The following CFAP58 variants were observed in gnomAD, a reference collection of about 807,000 sequenced individuals.
CFAP58 encodes the protein cilia- and flagella-associated protein 58.
A neutral mutation model predicts 119.5 loss-of-function variants in CFAP58; 88 were observed. That is an observed-to-expected ratio of 0.74 (90% confidence interval 0.62 to 0.88). The LOEUF (loss-of-function observed/expected upper bound fraction) is 0.88, where lower values mean the gene tolerates loss of function less well. Among genes scored for constraint, CFAP58 ranks in the 40% least tolerant of loss-of-function variants. The pLI, the probability that CFAP58 is intolerant of heterozygous loss-of-function variation, is 0.00. For missense variants in CFAP58, 990 were observed against 1,021.2 expected (o/e 0.97, Z 0.42); for synonymous variants, 365 against 366.3 (o/e 1.00, Z 0.04).
intron 15 of CFAP58, among the ~76,000 whole-genome samples, chr10:104,424,027 A>T (rs988676544): frequency 4.6e-5 from 7 of 152,166 alleles, no homozygotes; most frequent in Non-Finnish European, 8.8e-5. Flanking sequence ...ATTGGAAGAA[A>T]TCTCTGGTGG....
In CFAP58 at chr10:104,450,169, A is replaced by G. The variant is rs199519968; in HGVS notation, c.2475A>G (p.Lys825=). ...LTNELQNLKK[K]YLAQKRKEQL... ...ATGAGCTCCAGAATTTAAAGAAGAA[A>G]TACCTCGCTCAGAAACGTAAAGAAC... is the stretch of plus-strand genomic sequence containing the variant. Residue 825 remains lysine (K), a synonymous_variant, in exon 17 of 18, where the codon AAA becomes AAG. Coordinates refer to ENST00000369704, the MANE Select transcript of CFAP58 (RefSeq NM_001008723.2). 30 of 1,613,478 alleles carry G rather than the reference A, an allele frequency of 1.9e-5. No homozygotes were observed. The South Asian group carries it at 3.3e-4, about 18-fold the overall frequency.
chr10:104,366,193 C>T (rs571774719), intron 5 of CFAP58, among the ~76,000 whole-genome samples, 185 bp downstream of exon 5: 1 of 152,114 alleles, frequency 6.6e-6, no homozygotes, highest in African/African-American at 2.4e-5. Flanking sequence ...GTTATGCCCC[C>T]CCTTTTAAAT....
chr10:104,345,700 G>A, the CFAP58 span, among the ~76,000 whole-genome samples: 1 of 152,000 alleles, frequency 6.6e-6, no homozygotes, highest in Admixed American at 6.5e-5. Context: ...CAGAGGAGAG[G>A]TAATTAACTG....
intron 13 of CFAP58, among the ~76,000 whole-genome samples, chr10:104,402,848 CAGG>C (rs1356101449): frequency 6.6e-6 from 1 of 152,082 alleles, no homozygotes; most frequent in Admixed American, 6.5e-5. Context: ...GGATTGGGTC[CAGG>C]AGAAGAGGTA....
intron 15 of CFAP58, among the ~76,000 whole-genome samples, chr10:104,411,319 C>T (rs1439359283): frequency 1.3e-5 from 2 of 152,084 alleles, no homozygotes; most frequent in African/African-American, 2.4e-5. Context: ...GACTCTTTTT[C>T]ACATATGCCT....
Position 104,371,060 on chromosome 10 carries a change from C to G in CFAP58, c.1090+6C>G, listed in dbSNP as rs2014817013. Reference sequence around the variant, plus strand: ...GATTGTGGGATTAGAGAGAGGTAAACCATTTTGCGCTTTTATTCATTTAGA... The same window carrying G: ...GATTGTGGGATTAGAGAGAGGTAAAGCATTTTGCGCTTTTATTCATTTAGA... On this transcript the variant is annotated splice_donor_region_variant and intron_variant, in intron 7 of 17. Coordinates refer to ENST00000369704, the MANE Select transcript of CFAP58 (RefSeq NM_001008723.2). 3 of 1,594,884 alleles carry G rather than the reference C, an allele frequency of 1.9e-6. No individual in the cohort carries two copies. The highest frequency in any genetic ancestry group is 4.5e-5 in the East Asian group (2 of 44,414).
chr10:104,425,977 A>G (rs1361102812), intron 15 of CFAP58, among the ~76,000 whole-genome samples: 1 of 152,192 alleles, frequency 6.6e-6, no homozygotes, highest in Non-Finnish European at 1.5e-5. Flanking sequence ...TCATGCCTAT[A>G]ATCCCAGCAC....
chr10:104,379,220 A>G (rs1488276776), intron 8 of CFAP58, among the ~76,000 whole-genome samples: 1 of 151,950 alleles, frequency 6.6e-6, no homozygotes, highest in Non-Finnish European at 1.5e-5. Context: ...TTCAGTTTTT[A>G]TGGATCTGAC....
intron 9 of CFAP58, among the ~76,000 whole-genome samples, chr10:104,389,848 G>C (rs1035702873): frequency 2.6e-5 from 4 of 152,054 alleles, no homozygotes; most frequent in African/African-American, 9.7e-5. Context: ...GATTAAAAAA[G>C]AACTAAAAAG....
intron 15 of CFAP58, among the ~76,000 whole-genome samples, chr10:104,416,336 T>C: frequency 6.6e-6 from 1 of 152,170 alleles, no homozygotes; most frequent in African/African-American, 2.4e-5. Context: ...TCTTTTACAT[T>C]CACCTAGAGG....
intron 15 of CFAP58, among the ~76,000 whole-genome samples, chr10:104,434,381 T>G (rs2012897057): frequency 6.6e-6 from 1 of 152,180 alleles, no homozygotes; most frequent in African/African-American, 2.4e-5. Flanking sequence ...GAATTCATTG[T>G]CTAGGCTGAC....
chr10:104,433,857 G>C (rs1207344273), intron 15 of CFAP58, among the ~76,000 whole-genome samples: 2 of 152,186 alleles, frequency 1.3e-5, no homozygotes, highest in African/African-American at 2.4e-5. Flanking sequence ...CAAGTTATTT[G>C]CTTAAGATCC....
chr10:104,386,272 G>T (rs1488245183), intron 9 of CFAP58, among the ~76,000 whole-genome samples: 10 of 151,470 alleles, frequency 6.6e-5, no homozygotes, highest in Admixed American at 1.3e-4. Context: ...CAGCTACTTG[G>T]GAGGCTGAGG....
intron 15 of CFAP58, among the ~76,000 whole-genome samples, chr10:104,445,139 A>C (rs1254918848): frequency 6.6e-6 from 1 of 151,904 alleles, no homozygotes; most frequent in Non-Finnish European, 1.5e-5. Context: ...CCTGGGCAAC[A>C]TAGCGAGACC....
intron 9 of CFAP58, among the ~76,000 whole-genome samples, chr10:104,386,563 T>C (rs566734922): frequency 3.9e-5 from 6 of 152,270 alleles, no homozygotes; most frequent in African/African-American, 1.4e-4. Flanking sequence ...CCTCTGTACT[T>C]GGCTCCCCTC....
intron 3 of CFAP58, among the ~76,000 whole-genome samples, chr10:104,363,355 GA>G (rs1193278287): frequency 1.3e-5 from 2 of 152,180 alleles, no homozygotes; most frequent in East Asian, 3.8e-4. Context: ...GGCAGCCAAG[GA>G]AATTAACCAA....
chr10:104,399,334 T>C (rs753292446), intron 11 of CFAP58, 26 bp from the exon 12 acceptor site: 1 of 1,611,622 alleles, frequency 6.2e-7, no homozygotes. Flanking sequence ...AATTGAAATT[T>C]GCCTGTATCT....
chr10:104,449,907 A>G (rs2013167560), intron 16 of CFAP58, among the ~76,000 whole-genome samples, 164 bp from the exon 17 acceptor site: 1 of 152,144 alleles, frequency 6.6e-6, no homozygotes, highest in African/African-American at 2.4e-5. Context: ...CCAGGTTTCT[A>G]CTCAGATGTG....
upstream of CFAP58, chr10:104,353,492 G>T (rs2014492574): frequency 5.1e-6 from 1 of 194,892 alleles, no homozygotes; most frequent in Non-Finnish European, 1.0e-5. Context: ...CTCCATGCTT[G>T]GCTCCCTAGT....
Sources: allele counts gnomAD v4.1 joint callset (sites outside exome capture counted in the v4.1 genomes callset), GRCh38; gene constraint gnomAD v4.1.1; transcripts MANE v1.5; gene names NCBI Gene and HGNC (gene_info 2026-07-23, HGNC 2026-07-21).